The following TP63 variants were observed in gnomAD, a reference collection of about 807,000 sequenced individuals.
The protein encoded by TP63 is tumor protein 63.
A neutral mutation model predicts 82.8 loss-of-function variants in TP63; 17 were observed. The ratio of observed to expected loss-of-function variants is 0.21; its 90% CI spans 0.14 to 0.31. The LOEUF is 0.31. TP63 is among the 10% of genes least tolerant of loss of function. The pLI, the probability that TP63 is intolerant of heterozygous loss-of-function variation, is 1.00. For missense variants in TP63, 648 were observed against 895.3 expected (o/e 0.72, Z 3.52); for synonymous variants, 330 against 321.7 (o/e 1.03, Z -0.28).
chr3:189,727,916 C>T (rs1273259276), intron 1 of TP63, among the ~76,000 whole-genome samples: 7 of 152,180 alleles, frequency 4.6e-5, no homozygotes, highest in African/African-American at 1.4e-4. Flanking sequence ...CTCAAGTATT[C>T]CTTATCTTTG....
chr3:189,803,480 A>G (rs1726537449), intron 3 of TP63, among the ~76,000 whole-genome samples: 1 of 152,224 alleles, frequency 6.6e-6, no homozygotes, highest in South Asian at 2.1e-4. Context: ...TATAAATCCA[A>G]TTATTTAATA....
At chr3:189,724,514 T>C (rs1365577972) in intron 1 of TP63, among the ~76,000 whole-genome samples, 3 of 152,180 alleles carry the variant, frequency 2.0e-5, no homozygotes, top group Admixed American at 2.0e-4. Flanking sequence ...GTCCATTGTG[T>C]CATTCTTCTG....
chr3:189,867,745 G>C lies in TP63; in HGVS notation c.883-88G>C, dbSNP rs114009645. The C allele has an allele frequency of 2.4e-3, 2,928 of 1,208,850 alleles. 54 individuals carry two copies. In the African/African-American group the frequency reaches 0.037, roughly 15 times the overall value. 74.9% of individuals were successfully genotyped at this position (1,208,850 alleles called of 1,614,324 possible). On this transcript the variant is annotated intron_variant, in intron 6 of 13. Coordinates refer to ENST00000264731, the MANE Select transcript of TP63 (RefSeq NM_003722.5). ...GGAAGCGTATCACTTCATCAGAAGT[G>C]GAATTCCTTAAATAGAGGGAAGAAC...
At chr3:189,722,216 C>T (rs527796838) in intron 1 of TP63, among the ~76,000 whole-genome samples, 16 of 152,288 alleles carry the variant, frequency 1.1e-4, no homozygotes, top group Admixed American at 3.9e-4. Flanking sequence ...TCCGTGAAGA[C>T]GCTGATCTAC....
Position 189,763,091 on chromosome 3 carries a change from T to TTCAA in TP63, c.324+24317_324+24318insTCAA, listed in dbSNP as rs1182146397. ...TTCAAGATCAGCCAGGGTAACCTAG[T>TTCAA]GAGACCCCTGTCTCTATAAACAAAA... is the stretch of plus-strand genomic sequence containing the variant. On this transcript the variant is annotated intron_variant, in intron 3 of 13. Coordinates refer to ENST00000264731, the MANE Select transcript of TP63 (RefSeq NM_003722.5). 2.0e-5 allele frequency among the ~76,000 whole-genome samples: 3 copies of TTCAA among 152,198 alleles called. No homozygotes were observed. In the East Asian group the frequency reaches 5.8e-4, roughly 29 times the overall value.
intron 3 of TP63, among the ~76,000 whole-genome samples, chr3:189,750,885 G>C (rs1220439978): frequency 6.6e-6 from 1 of 152,000 alleles, no homozygotes; most frequent in African/African-American, 2.4e-5. Context: ...TTGTTACATA[G>C]GTATACATGT....
intron 11 of TP63, among the ~76,000 whole-genome samples, chr3:189,889,026 G>A (rs763137529): frequency 6.6e-5 from 10 of 152,124 alleles, no homozygotes; most frequent in Non-Finnish European, 1.0e-4. Flanking sequence ...TATCACCCTC[G>A]AAGGCAAATA....
chr3:189,697,355 T>C (rs991488727), intron 1 of TP63, among the ~76,000 whole-genome samples: 1 of 151,912 alleles, frequency 6.6e-6, no homozygotes, highest in Non-Finnish European at 1.5e-5. Flanking sequence ...TTGACGGTAT[T>C]TGTATGGGTC....
At position 189,868,854 on chromosome 3, in the gene TP63, A is replaced by G. The variant is rs562786336; in HGVS notation, c.1129+138A>G. On this transcript the variant is annotated intron_variant, in intron 8 of 13. Transcript: ENST00000264731. ...GGGACGTCAGCCCTCAGAGCCAGTG[A>G]GAATAGGTATAGCATTGAAGTGGAC... 9.7e-5 allele frequency: 131 copies of G among 1,353,406 alleles called. 2 individuals are homozygous for G. The South Asian group carries it at 1.5e-3, about 15-fold the overall frequency. 83.8% of individuals were successfully genotyped at this position (1,353,406 alleles called of 1,614,324 possible). A position where few individuals can be genotyped will look rare whatever the true frequency, so the allele number is the denominator to read the frequency against.
At chr3:189,792,989 G>T (rs976361919) in intron 3 of TP63, among the ~76,000 whole-genome samples, 1 of 152,024 alleles carries the variant, frequency 6.6e-6, no homozygotes, top group Non-Finnish European at 1.5e-5. Context: ...AATGTATTAA[G>T]CTGTCCCATG....
At chr3:189,887,020 C>G (rs1055485093) in intron 11 of TP63, among the ~76,000 whole-genome samples, 4 of 151,994 alleles carry the variant, frequency 2.6e-5, no homozygotes, top group African/African-American at 9.7e-5. Context: ...ACCAACCTGG[C>G]CAACATGGTG....
At chr3:189,597,179 A>G in the TP63 span, among the ~76,000 whole-genome samples, 6 of 152,176 alleles carry the variant, frequency 3.9e-5, no homozygotes, top group African/African-American at 7.2e-5. Flanking sequence ...AGATTTTGAA[A>G]ACTATGAAGT....
chr3:189,861,772 G>GC, intron 4 of TP63, among the ~76,000 whole-genome samples: 1 of 152,174 alleles, frequency 6.6e-6, no homozygotes, highest in East Asian at 1.9e-4. Context: ...CTAGAAAAAG[G>GC]TAAACATTTG....
rs952275229 is a variant in TP63 at position 189,727,994 on chromosome 3, A to G, written c.63-9746A>G. ...TATTAACTGATGAATTTAGTATAGT[A>G]GAGCGAAGTTTGAGAACATGTTTTA... On this transcript the variant is annotated intron_variant, in intron 1 of 13. Coordinates refer to ENST00000264731, the MANE Select transcript of TP63 (RefSeq NM_003722.5). Among the ~76,000 whole-genome samples, 8 of 152,194 alleles carry G rather than the reference A, an allele frequency of 5.3e-5. No individual in the cohort carries two copies. In the South Asian group the frequency reaches 1.2e-3, roughly 24 times the overall value.
At chr3:189,675,852 GA>G (rs1715345696) in intron 1 of TP63, among the ~76,000 whole-genome samples, 1 of 152,092 alleles carries the variant, frequency 6.6e-6, no homozygotes, top group Non-Finnish European at 1.5e-5. Context: ...AATTCTTATG[GA>G]AAATGTTCTT....
chr3:189,840,029 C>T (rs983932816), intron 4 of TP63, among the ~76,000 whole-genome samples: 1 of 152,148 alleles, frequency 6.6e-6, no homozygotes, highest in Non-Finnish European at 1.5e-5. Flanking sequence ...CAGCTTACTG[C>T]GATGATCATA....
intron 4 of TP63, among the ~76,000 whole-genome samples, chr3:189,821,792 T>A (rs916562415): frequency 6.6e-6 from 1 of 152,226 alleles, no homozygotes; most frequent in Non-Finnish European, 1.5e-5. Context: ...AAGTTCCTGA[T>A]TTAAAATGAA....
At chr3:189,704,651 C>T (rs1376605244) in intron 1 of TP63, among the ~76,000 whole-genome samples, 1 of 152,198 alleles carries the variant, frequency 6.6e-6, no homozygotes, top group Admixed American at 6.5e-5. Context: ...GCTTTATTTC[C>T]TCAGGGCCTA....
chr3:189,631,122 T>C, upstream of TP63: 1 of 585,148 alleles, frequency 1.7e-6, no homozygotes, highest in Non-Finnish European at 2.2e-6. Flanking sequence ...TAAACTCTGA[T>C]GCCATTCATG....
Sources: gnomAD v4.1 joint callset for allele counts (sites outside exome capture counted in the v4.1 genomes callset) on GRCh38, gnomAD v4.1.1 for gene constraint, MANE v1.5 for transcripts, NCBI Gene and HGNC (gene_info 2026-07-23, HGNC 2026-07-21) for gene names.